IPO11: variants seen among roughly 807,000 people sequenced by gnomAD.
IPO11 encodes the protein importin-11.
IPO11 carries 66 observed loss-of-function variants against 143.2 expected under a neutral mutation model. The observed-to-expected ratio is 0.46, with a 90% confidence interval of 0.38 to 0.57. The LOEUF is 0.57. IPO11 is among the 20% of genes least tolerant of loss of function. The pLI is 0.00. For missense variants in IPO11, 1,026 were observed against 1,141.0 expected (o/e 0.90, Z 1.45); for synonymous variants, 385 against 377.8 (o/e 1.02, Z -0.22).
chr5:62,627,469 A>G lies in IPO11; in HGVS notation c.*151A>G. 1.5e-6 allele frequency: 1 copy of G among 667,288 alleles called. No individual in the cohort carries two copies. The highest frequency in any genetic ancestry group is 1.8e-5 in the African/African-American group (1 of 55,492). 41.3% of individuals were successfully genotyped at this position (667,288 alleles called of 1,614,324 possible). A position where few individuals can be genotyped will look rare whatever the true frequency, so the allele number is the denominator to read the frequency against. ...TTTTACTACAAAATGTAAAGGATAAATGTAAATCCTGCATAACTAAAATCA... is the reference window on the plus strand; with the variant it reads ...TTTTACTACAAAATGTAAAGGATAAGTGTAAATCCTGCATAACTAAAATCA... On this transcript the variant is annotated 3_prime_UTR_variant, in exon 30 of 30. Transcript: ENST00000325324.
At chr5:62,573,032 C>A (rs1561368515) in intron 27 of IPO11, among the ~76,000 whole-genome samples, 1 of 151,884 alleles carries the variant, frequency 6.6e-6, no homozygotes, top group East Asian at 2.0e-4. Flanking sequence ...GTGGTAGTAT[C>A]TTCTTGGGGT....
chr5:62,459,229 A>T (rs181548467), intron 5 of IPO11, among the ~76,000 whole-genome samples: 1 of 152,264 alleles, frequency 6.6e-6, no homozygotes, highest in Non-Finnish European at 1.5e-5. Context: ...AAGATGGGCC[A>T]CAGTGTCCCT....
At chr5:62,511,280 A>G (rs1478897771) in intron 19 of IPO11, among the ~76,000 whole-genome samples, 1 of 152,152 alleles carries the variant, frequency 6.6e-6, no homozygotes, top group Non-Finnish European at 1.5e-5. Context: ...TTGTGTTGTC[A>G]TATGCTTATT....
chr5:62,537,487 A>G (rs1416961066), intron 24 of IPO11, among the ~76,000 whole-genome samples, 198 bp downstream of exon 24: 1 of 152,156 alleles, frequency 6.6e-6, no homozygotes, highest in Admixed American at 6.6e-5. Context: ...TTCAACAGGC[A>G]AGAGATCAAC....
intron 1 of IPO11, among the ~76,000 whole-genome samples, chr5:62,425,261 A>G (rs569919335): frequency 3.3e-5 from 5 of 152,206 alleles, no homozygotes; most frequent in African/African-American, 1.2e-4. Flanking sequence ...AAAGGAACAT[A>G]CTCTTTGGAA....
intron 21 of IPO11, among the ~76,000 whole-genome samples, chr5:62,527,443 G>C (rs32184): frequency 0.09 from 13,743 of 152,192 alleles, 672 homozygotes; most frequent in East Asian, 0.14. Flanking sequence ...AAGTACGTGG[G>C]TGGATTTAGC....
intron 24 of IPO11, among the ~76,000 whole-genome samples, chr5:62,542,104 A>G (rs1000566836): frequency 6.6e-6 from 1 of 151,458 alleles, no homozygotes; most frequent in Non-Finnish European, 1.5e-5. Context: ...AGATGGAGTT[A>G]CGCTCTTGTT....
intron 3 of IPO11, among the ~76,000 whole-genome samples, chr5:62,449,074 C>G (rs1744817529): frequency 6.6e-6 from 1 of 152,168 alleles, no homozygotes; most frequent in Non-Finnish European, 1.5e-5. Context: ...TGTTCTGTTG[C>G]TCAGGCTGGA....
At chr5:62,443,105 A>T (rs1485748687) in intron 3 of IPO11, 22 bp downstream of exon 3, 3 of 1,442,800 alleles carry the variant, frequency 2.1e-6, no homozygotes, top group African/African-American at 2.8e-5. Flanking sequence ...CACTTCCCCT[A>T]TTCCTTGAGT....
chr5:62,561,291 C>A, intron 27 of IPO11, 34 bp downstream of exon 27: 3 of 1,278,570 alleles, frequency 2.3e-6, no homozygotes, highest in South Asian at 1.5e-5. Context: ...TTGTTTCTTT[C>A]AAGCATCAAA....
At chr5:62,518,375 C>T (rs889631647) in intron 20 of IPO11, among the ~76,000 whole-genome samples, 5 of 151,378 alleles carry the variant, frequency 3.3e-5, no homozygotes, top group African/African-American at 1.2e-4. Flanking sequence ...ACCTGAGAGG[C>T]GGAGGCTGTA....
chr5:62,474,494 T>G, intron 8 of IPO11, 30 bp downstream of exon 8: 1 of 1,504,710 alleles, frequency 6.6e-7, no homozygotes, highest in East Asian at 2.3e-5. Flanking sequence ...TCCTTTTTAC[T>G]GTAGAATTTT....
rs767768834 is a variant in IPO11, at chr5:62,572,541, G to GTTTA, written c.2582+11287_2582+11288insATTT. Among the ~76,000 whole-genome samples, 733 of 141,706 alleles carry GTTTA rather than the reference G, an allele frequency of 5.2e-3. 7 individuals are homozygous for GTTTA. The highest frequency in any genetic ancestry group is 0.026 in the East Asian group (121 of 4,730). The allele number at this position is 141,706 out of a possible 152,430, so 93.0% of individuals were successfully genotyped here. ...ACAATCATTGTGTATATGTATATTTGTTTGTTTATTTATTTATTTATTTAT... is the reference window on the plus strand; with the variant it reads ...ACAATCATTGTGTATATGTATATTTGTTTATTTGTTTATTTATTTATTTATTTAT... On this transcript the variant is annotated intron_variant, in intron 27 of 29. Transcript: ENST00000325324.
chr5:62,593,345 G>C (rs1016678671), intron 28 of IPO11, among the ~76,000 whole-genome samples: 2 of 152,102 alleles, frequency 1.3e-5, no homozygotes, highest in African/African-American at 4.8e-5. Flanking sequence ...TAAAAATCAG[G>C]ATATCCAGGC....
At chr5:62,568,946 A>C (rs963021918) in intron 27 of IPO11, among the ~76,000 whole-genome samples, 1 of 152,226 alleles carries the variant, frequency 6.6e-6, no homozygotes, top group African/African-American at 2.4e-5. Flanking sequence ...GCCTGTGGAT[A>C]CTGCAGCCAT....
chr5:62,441,291 C>T (rs973571006), intron 2 of IPO11, among the ~76,000 whole-genome samples: 102 of 150,474 alleles, frequency 6.8e-4, no homozygotes, highest in African/African-American at 2.4e-3. Context: ...TCTCCCCTCC[C>T]GGGTTCAAGT....
chr5:62,428,621 C>T (rs1437340333), intron 1 of IPO11, among the ~76,000 whole-genome samples: 3 of 151,846 alleles, frequency 2.0e-5, no homozygotes, highest in African/African-American at 7.3e-5. Flanking sequence ...GGATTACAAG[C>T]GTGAGCCCCC....
chr5:62,547,036 A>G (rs962014570), intron 24 of IPO11, among the ~76,000 whole-genome samples: 1 of 152,174 alleles, frequency 6.6e-6, no homozygotes, highest in Non-Finnish European at 1.5e-5. Flanking sequence ...ATTCCTAAAG[A>G]TACAAAAGAG....
intron 29 of IPO11, among the ~76,000 whole-genome samples, chr5:62,602,654 A>G (rs1338474767): frequency 6.6e-6 from 1 of 152,222 alleles, no homozygotes; most frequent in Admixed American, 6.5e-5. Flanking sequence ...GCATTACAGC[A>G]CGTTAGCTCT....
Sources: allele counts gnomAD v4.1 joint callset (sites outside exome capture counted in the v4.1 genomes callset), GRCh38; gene constraint gnomAD v4.1.1; transcripts MANE v1.5; gene names NCBI Gene and HGNC (gene_info 2026-07-23, HGNC 2026-07-21).